EDA: variants seen among roughly 807,000 people sequenced by gnomAD.
EDA encodes ectodysplasin-A.
Under a neutral mutation model 23.6 loss-of-function variants are expected in EDA, and 2 were observed. That is an observed-to-expected ratio of 0.08 (90% CI 0.03 to 0.27). The LOEUF is 0.27. Among genes scored for constraint, EDA ranks in the 10% least tolerant of loss-of-function variants. The pLI is 1.00. For missense variants in EDA, 229 were observed against 324.2 expected (o/e 0.71, Z 2.26); for synonymous variants, 131 against 132.0 (o/e 0.99, Z 0.05).
intron 1 of EDA, among the ~76,000 whole-genome samples, chrX:69,632,955 T>TG (rs1465723576): frequency 1.8e-5 from 2 of 111,514 alleles, no homozygotes; most frequent in East Asian, 2.8e-4. Flanking sequence ...ATCTCATCTT[T>TG]GGGGGGGACC....
chrX:69,762,330 T>C (rs1450323631), intron 1 of EDA, among the ~76,000 whole-genome samples: 2 of 112,028 alleles, frequency 1.8e-5, no homozygotes, highest in African/African-American at 3.2e-5. Context: ...TTTTCTTTGT[T>C]CTCCAGTAAG....
At chrX:69,861,433 G>A (rs1012842150) in intron 1 of EDA, among the ~76,000 whole-genome samples, 3 of 111,174 alleles carry the variant, frequency 2.7e-5, no homozygotes, top group African/African-American at 9.8e-5. Context: ...AGCTTTCAAA[G>A]TAATAGGAGT....
At chrX:69,902,388 A>G (rs2018111210) in intron 1 of EDA, among the ~76,000 whole-genome samples, 1 of 111,449 alleles carries the variant, frequency 9.0e-6, no homozygotes, top group African/African-American at 3.3e-5. Flanking sequence ...CTGGTTCCAA[A>G]GAGATGGTGT....
At chrX:69,895,325 G>A (rs2017995609) in intron 1 of EDA, among the ~76,000 whole-genome samples, 1 of 108,533 alleles carries the variant, frequency 9.2e-6, no homozygotes, top group South Asian at 4.1e-4. Flanking sequence ...TTCCAGCGGT[G>A]AGACTGGATT....
intron 1 of EDA, among the ~76,000 whole-genome samples, chrX:69,714,280 C>G (rs1320846855): frequency 9.0e-6 from 1 of 110,771 alleles, no homozygotes; most frequent in Non-Finnish European, 1.9e-5. Flanking sequence ...TTTGAGAGTT[C>G]TTTATATATT....
At chrX:69,675,144 A>G (rs1934036351) in intron 1 of EDA, among the ~76,000 whole-genome samples, 1 of 55,994 alleles carries the variant, frequency 1.8e-5, no homozygotes, top group Non-Finnish European at 2.9e-5. Context: ...CACCATGGCC[A>G]GCTAATTAAA....
intron 2 of EDA, among the ~76,000 whole-genome samples, chrX:70,018,288 C>T (rs1378806838): frequency 8.9e-6 from 1 of 111,906 alleles, no homozygotes; most frequent in Non-Finnish European, 1.9e-5. Flanking sequence ...AAGAAATTTA[C>T]AGATTCAATG....
chrX:69,866,918 G>T (rs919245388), intron 1 of EDA, among the ~76,000 whole-genome samples: 1 of 112,183 alleles, frequency 8.9e-6, no homozygotes, highest in Non-Finnish European at 1.9e-5. Flanking sequence ...GTTAGTCCAC[G>T]GTTGGTAGTC....
intron 1 of EDA, among the ~76,000 whole-genome samples, chrX:69,631,381 CAAAAA>C (rs1212176285): frequency 1.9e-5 from 1 of 52,846 alleles, no homozygotes. Flanking sequence ...GACTCCGTGT[CAAAAA>C]AAAAAAAAAA....
intron 1 of EDA, among the ~76,000 whole-genome samples, chrX:69,884,893 A>G (rs1465509757): frequency 8.9e-6 from 1 of 112,394 alleles, no homozygotes; most frequent in Non-Finnish European, 1.9e-5. Flanking sequence ...AGGAACTGCC[A>G]AACTGTCTTC....
intron 1 of EDA, among the ~76,000 whole-genome samples, chrX:69,871,436 A>C: frequency 9.0e-6 from 1 of 111,560 alleles, no homozygotes; most frequent in Middle Eastern, 4.6e-3. Context: ...TGAGTCCCAA[A>C]ACGGAAGAAC....
In EDA at chrX:69,922,554, C is replaced by A. The variant is rs113217498; in HGVS notation, c.397-34473C>A. Among the ~76,000 whole-genome samples, 783 of 112,024 alleles carry A rather than the reference C, an allele frequency of 7.0e-3. 6 individuals carry two copies. Among genetic ancestry groups the A allele is most frequent in the African/African-American group, 0.024 (738 of 30,891 alleles). On this transcript the variant is annotated intron_variant, in intron 1 of 7. Transcript: ENST00000374552. ...TTAATTTTTATTTCACTAATGACAA[C>A]CTTGCCCACCTTTGAGTGGTTATAA...
chrX:69,616,165 T>G lies in EDA; in HGVS notation c.-144T>G, dbSNP rs1248587551. ...GCACATGCGGCTGCTCCCTGCTCCG[T>G]CCCGCCCAGCCACTGTCGCGCAGGA... On this transcript the variant is annotated 5_prime_UTR_variant, in exon 1 of 8. Coordinates refer to ENST00000374552, the MANE Select transcript of EDA (RefSeq NM_001399.5). 9 of 662,086 alleles carry G rather than the reference T, an allele frequency of 1.4e-5. No individual in the cohort carries two copies. The highest frequency in any genetic ancestry group is 2.0e-5 in the Non-Finnish European group (9 of 448,606). The allele number at this position is 662,086 out of a possible 1,213,427, so 54.6% of individuals were successfully genotyped here.
At chrX:69,848,986 G>A (rs964106402) in intron 1 of EDA, among the ~76,000 whole-genome samples, 6 of 104,592 alleles carry the variant, frequency 5.7e-5, no homozygotes, top group African/African-American at 2.1e-4. Context: ...AAATGTTAAA[G>A]TGTGATTTAG....
intron 2 of EDA, among the ~76,000 whole-genome samples, chrX:69,982,398 G>A (rs1283559014): frequency 9.0e-6 from 1 of 111,017 alleles, no homozygotes; most frequent in African/African-American, 3.3e-5. Context: ...AGAGAACTTG[G>A]ACCATACCAA....
At chrX:69,672,590 T>C (rs1248811812) in intron 1 of EDA, 3 of 112,267 alleles carry the variant, frequency 2.7e-5, no homozygotes, top group Non-Finnish European at 1.9e-5. Flanking sequence ...TACCGGGTGC[T>C]GTAGGCTTTG....
intron 1 of EDA, chrX:69,687,720 C>A (rs1934589309): frequency 8.9e-6 from 1 of 111,768 alleles, no homozygotes; most frequent in Non-Finnish European, 1.9e-5. Context: ...GTCTGTGATC[C>A]ATTTTTTATT....
intron 1 of EDA, among the ~76,000 whole-genome samples, chrX:69,819,912 AAC>A (rs753220020): frequency 0.084 from 8,166 of 97,060 alleles, 437 homozygotes; most frequent in African/African-American, 0.15. Context: ...AAAAAAAAAA[AAC>A]AAAAAACACC....
chrX:69,705,196 C>T (rs2011663186), intron 1 of EDA, among the ~76,000 whole-genome samples: 1 of 99,335 alleles, frequency 1.0e-5, no homozygotes, highest in East Asian at 3.0e-4. Flanking sequence ...GCACTCCAGC[C>T]TGGGCTACAA....
Sources: gnomAD v4.1 joint callset for allele counts (sites outside exome capture counted in the v4.1 genomes callset) on GRCh38, gnomAD v4.1.1 for gene constraint, MANE v1.5 for transcripts, NCBI Gene and HGNC (gene_info 2026-07-23, HGNC 2026-07-21) for gene names.